Variants in RBMS3 observed in about 807,000 individuals in gnomAD.
The protein encoded by RBMS3 is RNA binding motif single stranded interacting protein 3.
Under a neutral mutation model 66.8 loss-of-function variants are expected in RBMS3, and 27 were observed. The ratio of observed to expected loss-of-function variants is 0.40; its 90% CI spans 0.30 to 0.56. The LOEUF (loss-of-function observed/expected upper bound fraction) is 0.56, where lower values mean the gene tolerates loss of function less well. Ranked by LOEUF, RBMS3 falls within the 20% of genes least tolerant of loss-of-function variation. The pLI is 0.40. For synonymous variants in RBMS3, 188 were observed against 183.0 expected (o/e 1.03, Z -0.22); for missense variants, 513 against 549.5 (o/e 0.93, Z 0.66).
At chr3:29,305,157 T>C (rs1419139799) in intron 1 of RBMS3, among the ~76,000 whole-genome samples, 2 of 151,904 alleles carry the variant, frequency 1.3e-5, no homozygotes, top group Admixed American at 6.6e-5. Flanking sequence ...AATCTTAACA[T>C]AGATGATTCT....
intron 1 of RBMS3, among the ~76,000 whole-genome samples, chr3:29,305,746 A>C (rs2033964533): frequency 6.6e-6 from 1 of 152,010 alleles, no homozygotes; most frequent in African/African-American, 2.4e-5. Flanking sequence ...TTGATCCTTG[A>C]AGTTGTTTCC....
At chr3:29,694,359 C>G (rs1023504578) in intron 4 of RBMS3, among the ~76,000 whole-genome samples, 3 of 152,156 alleles carry the variant, frequency 2.0e-5, no homozygotes, top group African/African-American at 7.2e-5. Flanking sequence ...TAACAAATTT[C>G]TCTACTATTT....
chr3:29,354,600 A>G (rs1230073334), intron 1 of RBMS3, among the ~76,000 whole-genome samples: 1 of 151,856 alleles, frequency 6.6e-6, no homozygotes, highest in African/African-American at 2.4e-5. Flanking sequence ...CACACACACA[A>G]GTATGTATAC....
intron 4 of RBMS3, among the ~76,000 whole-genome samples, chr3:29,611,038 T>C (rs1280964068): frequency 6.6e-6 from 1 of 152,042 alleles, no homozygotes. Flanking sequence ...TGGTAGGGCA[T>C]CTTGTTCTGC....
intron 4 of RBMS3, among the ~76,000 whole-genome samples, chr3:29,728,923 A>G (rs1055911100): frequency 3.3e-5 from 5 of 152,120 alleles, no homozygotes; most frequent in Admixed American, 6.5e-5. Context: ...TTCAAGCAAA[A>G]CAGCACACAA....
intron 6 of RBMS3, among the ~76,000 whole-genome samples, chr3:29,832,322 C>A (rs78938739): frequency 0.024 from 3,661 of 152,168 alleles, 70 homozygotes; most frequent in East Asian, 0.13. Flanking sequence ...CTATAAAGCA[C>A]TAATAATTAG....
At chr3:29,424,163 T>C (rs769343700) in intron 1 of RBMS3, among the ~76,000 whole-genome samples, 19 of 152,168 alleles carry the variant, frequency 1.2e-4, no homozygotes, top group Non-Finnish European at 1.8e-4. Flanking sequence ...AGCTCTAAAG[T>C]AATAAAAGGA....
rs571364988 is a variant in RBMS3 at position 29,503,047 on chromosome 3, T to C, written c.307+14548T>C. The stretch of plus-strand genomic sequence containing the variant: ...CCCAGTCTCTTTTCTTTTCTTCAAA[T>C]AGCTTGCGTGTAGTTGTGGAGAATG... On this transcript the variant is annotated intron_variant, in intron 3 of 14. Coordinates refer to ENST00000383767, the MANE Select transcript of RBMS3 (RefSeq NM_001003793.3). 4.3e-4 allele frequency among the ~76,000 whole-genome samples: 66 copies of C among 152,170 alleles called. 2 individuals are homozygous for C. The highest frequency in any genetic ancestry group is 8.8e-5 in the Non-Finnish European group (6 of 68,018).
intron 4 of RBMS3, among the ~76,000 whole-genome samples, chr3:29,630,829 A>G: frequency 6.6e-6 from 1 of 152,006 alleles, no homozygotes; most frequent in Non-Finnish European, 1.5e-5. Context: ...TCAAACAAGT[A>G]ATGATTCATT....
chr3:29,550,594 G>A (rs961958776), intron 3 of RBMS3, among the ~76,000 whole-genome samples: 56 of 151,990 alleles, frequency 3.7e-4, no homozygotes, highest in African/African-American at 1.3e-3. Flanking sequence ...ATAATACAGT[G>A]TAATATATAG....
intron 4 of RBMS3, among the ~76,000 whole-genome samples, chr3:29,704,037 C>A (rs2052757680): frequency 6.6e-6 from 1 of 152,192 alleles, no homozygotes; most frequent in Admixed American, 6.5e-5. Context: ...GATGATCTGT[C>A]ACTGTCTCTC....
At chr3:29,807,330 C>A (rs1057212841) in intron 6 of RBMS3, among the ~76,000 whole-genome samples, 1 of 151,854 alleles carries the variant, frequency 6.6e-6, no homozygotes, top group African/African-American at 2.4e-5. Context: ...AGCAGAAATT[C>A]TCATACATTA....
chr3:29,913,700 G>A (rs572201604), intron 10 of RBMS3, among the ~76,000 whole-genome samples: 9 of 151,978 alleles, frequency 5.9e-5, no homozygotes, highest in African/African-American at 2.2e-4. Context: ...TTATCAAAGA[G>A]TTATTCTTAA....
At chr3:29,846,858 G>C (rs1279820909) in intron 6 of RBMS3, among the ~76,000 whole-genome samples, 1 of 152,140 alleles carries the variant, frequency 6.6e-6, no homozygotes, top group Non-Finnish European at 1.5e-5. Flanking sequence ...TAATAGGTTT[G>C]TATAGCTTCC....
At chr3:29,317,003 A>G (rs1013687346) in intron 1 of RBMS3, among the ~76,000 whole-genome samples, 2 of 151,778 alleles carry the variant, frequency 1.3e-5, no homozygotes, top group African/African-American at 4.8e-5. Context: ...TATGTAGATT[A>G]TTCCCTTGCT....
At chr3:29,690,337 G>C (rs1414243145) in intron 4 of RBMS3, among the ~76,000 whole-genome samples, 1 of 151,642 alleles carries the variant, frequency 6.6e-6, no homozygotes, top group Non-Finnish European at 1.5e-5. Context: ...GTGGTCCCAG[G>C]TACTTGGGAA....
intron 14 of RBMS3, among the ~76,000 whole-genome samples, chr3:29,994,052 G>A (rs1341266414): frequency 6.6e-6 from 1 of 152,176 alleles, no homozygotes; most frequent in East Asian, 1.9e-4. Context: ...GCCAGACTGG[G>A]CGCAGGTCAG....
In RBMS3 at chr3:30,003,840, T is replaced by A; in HGVS notation, c.1308-16T>A. On this transcript the variant is annotated splice_polypyrimidine_tract_variant and intron_variant, in intron 14 of 14. Transcript: ENST00000383767. ...ACTTTAATTTAATGACCACTCTTAT[T>A]CAATTGTTTTCACAGACCATAAACA... The A allele has an allele frequency of 2.1e-6, 3 of 1,424,726 alleles. No individual in the cohort carries two copies. The highest frequency in any genetic ancestry group is 2.8e-6 in the Non-Finnish European group (3 of 1,079,644). The allele number at this position is 1,424,726 out of a possible 1,614,324, so 88.3% of individuals were successfully genotyped here.
At chr3:29,636,907 G>T (rs780427067) in intron 4 of RBMS3, among the ~76,000 whole-genome samples, 58 of 151,854 alleles carry the variant, frequency 3.8e-4, no homozygotes, top group Non-Finnish European at 8.0e-4. Context: ...GCAACTGTTT[G>T]TCTAAGTTAT....
Sources: gnomAD v4.1 joint callset for allele counts (sites outside exome capture counted in the v4.1 genomes callset) on GRCh38, gnomAD v4.1.1 for gene constraint, MANE v1.5 for transcripts, NCBI Gene and HGNC (gene_info 2026-07-23, HGNC 2026-07-21) for gene names.